NEO1: variants seen among roughly 807,000 people sequenced by gnomAD.
NEO1 encodes the protein neogenin 1.
NEO1 carries 63 observed loss-of-function variants against 159.7 expected under a neutral mutation model. That is an observed-to-expected ratio of 0.39 (90% CI 0.32 to 0.49). NEO1 has a LOEUF of 0.49. Among genes scored for constraint, NEO1 ranks in the 20% least tolerant of loss-of-function variants. The pLI is 0.85. For synonymous variants in NEO1, 633 were observed against 662.0 expected (o/e 0.96, Z 0.67); for missense variants, 1,615 against 1,831.0 (o/e 0.88, Z 2.15).
chr15:73,097,196 A>G (rs963054334), intron 1 of NEO1, among the ~76,000 whole-genome samples: 9 of 152,192 alleles, frequency 5.9e-5, no homozygotes, highest in African/African-American at 2.2e-4. Context: ...TGAGTTCTTT[A>G]GGGATGGACT....
intron 22 of NEO1, among the ~76,000 whole-genome samples, chr15:73,281,220 T>G (rs1265213003): frequency 7.7e-6 from 1 of 130,118 alleles, no homozygotes; most frequent in Admixed American, 8.0e-5. Context: ...AAAAAACACA[T>G]AAATTTATAA....
intron 15 of NEO1, among the ~76,000 whole-genome samples, chr15:73,263,543 A>G (rs2040735730): frequency 6.6e-6 from 1 of 152,070 alleles, no homozygotes; most frequent in Admixed American, 6.5e-5. Flanking sequence ...TTTATATTTT[A>G]TAATAAATAA....
chr15:73,217,810 C>G (rs527960346), intron 7 of NEO1, among the ~76,000 whole-genome samples: 1 of 152,296 alleles, frequency 6.6e-6, no homozygotes, highest in African/African-American at 2.4e-5. Flanking sequence ...TGCTTATCAG[C>G]TTAAGGAGAT....
chr15:73,218,463 C>T (rs1447113743), intron 7 of NEO1, among the ~76,000 whole-genome samples: 21 of 149,332 alleles, frequency 1.4e-4, no homozygotes, highest in South Asian at 6.4e-4. Context: ...GGAGGATTCC[C>T]TCTTTTTGTA....
chr15:73,053,129 T>G (rs1241107374), intron 1 of NEO1, among the ~76,000 whole-genome samples: 1 of 152,092 alleles, frequency 6.6e-6, no homozygotes, highest in Non-Finnish European at 1.5e-5. Flanking sequence ...GACATTCTTG[T>G]GCTCACACTA....
chr15:73,230,077 G>A (rs2038817051), intron 7 of NEO1, among the ~76,000 whole-genome samples: 1 of 152,056 alleles, frequency 6.6e-6, no homozygotes, highest in African/African-American at 2.4e-5. Context: ...GTTGGGACAT[G>A]TTTCTCCTTC....
At chr15:73,180,666 A>G (rs901413427) in intron 7 of NEO1, among the ~76,000 whole-genome samples, 1 of 152,208 alleles carries the variant, frequency 6.6e-6, no homozygotes, top group Non-Finnish European at 1.5e-5. Context: ...TATGCCAGGA[A>G]GTTCCTAAAC....
At chr15:73,077,802 C>T (rs983568262) in intron 1 of NEO1, among the ~76,000 whole-genome samples, 2 of 152,122 alleles carry the variant, frequency 1.3e-5, no homozygotes, top group Non-Finnish European at 2.9e-5. Flanking sequence ...AAAAGGGGTG[C>T]AGAGTGCTTT....
At chr15:73,223,448 T>C (rs1365866725) in intron 7 of NEO1, among the ~76,000 whole-genome samples, 1 of 152,258 alleles carries the variant, frequency 6.6e-6, no homozygotes, top group African/African-American at 2.4e-5. Context: ...AATTGTTTTA[T>C]AAATTTGGGA....
Position 73,274,635 on chromosome 15 carries a change from C to G in NEO1, c.3161-57C>G, listed in dbSNP as rs563153310. 15 of 1,584,576 alleles carry G rather than the reference C, an allele frequency of 9.5e-6. No individual in the cohort carries two copies. The South Asian group carries it at 1.7e-4, about 18-fold the overall frequency. On this transcript the variant is annotated intron_variant, in intron 20 of 28. Transcript: ENST00000261908. ...CTTTAAAAAGTTCTGCCTGTCCCAT[C>G]TTCAAAGCTTGTGATCCTTGCTCTT...
intron 14 of NEO1, 121 bp downstream of exon 14, chr15:73,258,997 A>G: frequency 7.9e-6 from 6 of 758,774 alleles, no homozygotes; most frequent in Non-Finnish European, 1.1e-5. Flanking sequence ...TTAGTGCATC[A>G]CGCTGCTGTT....
chr15:73,080,630 T>A (rs564755538), intron 1 of NEO1, among the ~76,000 whole-genome samples: 7 of 152,122 alleles, frequency 4.6e-5, no homozygotes, highest in Non-Finnish European at 8.8e-5. Flanking sequence ...GATTTCTAAT[T>A]GTGGCCGAGG....
intron 7 of NEO1, among the ~76,000 whole-genome samples, chr15:73,234,807 T>C (rs2039087354): frequency 6.6e-6 from 1 of 152,234 alleles, no homozygotes; most frequent in African/African-American, 2.4e-5. Flanking sequence ...AGTCAAGTTT[T>C]CAGACTCTGC....
At chr15:73,116,978 G>A (rs2071361869) in intron 2 of NEO1, 121 bp downstream of exon 2, 6 of 775,432 alleles carry the variant, frequency 7.7e-6, no homozygotes, top group Non-Finnish European at 1.2e-5. Context: ...TCATTTAACA[G>A]ATATCAATTG....
At chr15:73,252,717 C>T (rs575329782) in intron 11 of NEO1, among the ~76,000 whole-genome samples, 23 of 152,250 alleles carry the variant, frequency 1.5e-4, no homozygotes, top group African/African-American at 5.3e-4. Flanking sequence ...GGGCCAGGCA[C>T]GGTGGCTCAT....
chr15:73,214,979 T>C (rs1321531547), intron 7 of NEO1, among the ~76,000 whole-genome samples: 2 of 152,146 alleles, frequency 1.3e-5, no homozygotes, highest in African/African-American at 2.4e-5. Flanking sequence ...CAGTTTTCCT[T>C]GTAGAGGTCT....
chr15:73,129,903 A>G (rs1234324529), intron 4 of NEO1, among the ~76,000 whole-genome samples: 1 of 152,220 alleles, frequency 6.6e-6, no homozygotes, highest in Non-Finnish European at 1.5e-5. Flanking sequence ...TTACATGTGA[A>G]ACAAACATAA....
chr15:73,269,726 A>G (rs1316200808), intron 16 of NEO1, among the ~76,000 whole-genome samples: 1 of 152,222 alleles, frequency 6.6e-6, no homozygotes, highest in East Asian at 1.9e-4. Context: ...GCACGAATAC[A>G]TTAATATAAT....
At chr15:73,180,111 A>G (rs982401149) in intron 7 of NEO1, among the ~76,000 whole-genome samples, 3 of 152,148 alleles carry the variant, frequency 2.0e-5, no homozygotes, top group African/African-American at 7.2e-5. Flanking sequence ...GCATTTCTCA[A>G]AAATACATGA....
Sources: gnomAD v4.1 joint callset for allele counts (sites outside exome capture counted in the v4.1 genomes callset) on GRCh38, gnomAD v4.1.1 for gene constraint, MANE v1.5 for transcripts, NCBI Gene and HGNC (gene_info 2026-07-23, HGNC 2026-07-21) for gene names.